The following PLGRKT variants were observed in gnomAD, a reference collection of about 807,000 sequenced individuals.
PLGRKT encodes the protein plasminogen receptor with a C-terminal lysine.
Under a neutral mutation model 18.5 loss-of-function variants are expected in PLGRKT, and 22 were observed. The ratio of observed to expected loss-of-function variants is 1.19; its 90% CI spans 0.85 to 1.70. The LOEUF is 1.70. Among genes scored for constraint, PLGRKT ranks in the 40% most tolerant of loss-of-function variants. The pLI, the probability that PLGRKT is intolerant of heterozygous loss-of-function variation, is 0.00. For missense variants in PLGRKT, 235 were observed against 174.4 expected, an observed-to-expected ratio of 1.35 and a Z score of -1.96; for synonymous variants, 72 against 52.8, an observed-to-expected ratio of 1.36 and a Z score of -1.58.
intron 3 of PLGRKT, among the ~76,000 whole-genome samples, chr9:5,378,323 G>A (rs1248423096): frequency 1.3e-5 from 2 of 152,172 alleles, no homozygotes; most frequent in Non-Finnish European, 2.9e-5. Context: ...ATCTCTGAAG[G>A]GAGACACATG....
At chr9:5,406,795 C>T (rs1818266498) in intron 3 of PLGRKT, among the ~76,000 whole-genome samples, 1 of 152,126 alleles carries the variant, frequency 6.6e-6, no homozygotes, top group Non-Finnish European at 1.5e-5. Flanking sequence ...ACACACTACT[C>T]AGGTTATGGG....
At chr9:5,435,530 A>G (rs1818943879) in intron 2 of PLGRKT, among the ~76,000 whole-genome samples, 1 of 152,184 alleles carries the variant, frequency 6.6e-6, no homozygotes, top group South Asian at 2.1e-4. Flanking sequence ...ATGGAAAAAC[A>G]TACAGATACT....
intron 3 of PLGRKT, among the ~76,000 whole-genome samples, chr9:5,364,971 C>T (rs552962585): frequency 1.3e-5 from 2 of 152,286 alleles, no homozygotes; most frequent in Non-Finnish European, 2.9e-5. Flanking sequence ...TATCTATATG[C>T]ATGCATAGAT....
chr9:5,419,449 C>T (rs1014910628), intron 3 of PLGRKT, among the ~76,000 whole-genome samples: 13 of 152,234 alleles, frequency 8.5e-5, no homozygotes, highest in Non-Finnish European at 1.5e-4. Context: ...ACAGAGGCCA[C>T]GGACGCTACA....
intron 3 of PLGRKT, chr9:5,381,747 T>C (rs1326661725): frequency 3.6e-6 from 1 of 276,372 alleles, no homozygotes; most frequent in Non-Finnish European, 5.5e-6. Context: ...TCTTCACTTG[T>C]TGCCTCTGTG....
chr9:5,435,578 CA>C (rs1818944918), intron 2 of PLGRKT, among the ~76,000 whole-genome samples: 2 of 152,328 alleles, frequency 1.3e-5, no homozygotes, highest in African/African-American at 4.8e-5. Flanking sequence ...GATGAATGCA[CA>C]GTAGTGTCTA....
At chr9:5,427,288 G>C (rs963304306) in intron 3 of PLGRKT, among the ~76,000 whole-genome samples, 1 of 152,100 alleles carries the variant, frequency 6.6e-6, no homozygotes, top group African/African-American at 2.4e-5. Context: ...AGTGGCTGGT[G>C]TGCAGGTAAC....
At chr9:5,427,418 A>G (rs1264525758) in intron 3 of PLGRKT, among the ~76,000 whole-genome samples, 1 of 149,432 alleles carries the variant, frequency 6.7e-6, no homozygotes, top group Non-Finnish European at 1.5e-5. Flanking sequence ...TCTCAATATG[A>G]AAAAAAAAAT....
At chr9:5,363,764 G>C (rs1817320850) in intron 3 of PLGRKT, among the ~76,000 whole-genome samples, 1 of 152,164 alleles carries the variant, frequency 6.6e-6, no homozygotes, top group Non-Finnish European at 1.5e-5. Context: ...GAACGGAGAA[G>C]GGGAGGAGGA....
intron 3 of PLGRKT, among the ~76,000 whole-genome samples, chr9:5,388,562 G>A (rs1454375066): frequency 1.3e-5 from 2 of 151,934 alleles, no homozygotes; most frequent in Non-Finnish European, 2.9e-5. Context: ...TCTTTCCCCA[G>A]CCCTTGAGGT....
intron 2 of PLGRKT, among the ~76,000 whole-genome samples, chr9:5,436,201 C>T (rs1818956137): frequency 6.6e-6 from 1 of 152,192 alleles, no homozygotes; most frequent in African/African-American, 2.4e-5. Context: ...AACAGCAGAC[C>T]AGAACCTGCC....
Position 5,418,718 on chromosome 9 carries a change from T to C in PLGRKT, c.81+13179A>G. 1 of 666,914 alleles carries C rather than the reference T, an allele frequency of 1.5e-6. No homozygotes were observed. The highest frequency in any genetic ancestry group is 2.8e-5 in the East Asian group (1 of 35,818). 41.3% of individuals were successfully genotyped at this position (666,914 alleles called of 1,614,324 possible). A position where few individuals can be genotyped will look rare whatever the true frequency, so the allele number is the denominator to read the frequency against. On this transcript the variant is annotated intron_variant, in intron 3 of 5. Transcript: ENST00000223864. The surrounding 1 kb of genome is among the most constrained non-coding windows in gnomAD (Gnocchi z 4.2). ...CCGGGAAGTCTGATGAAGACCGGCA[T>C]GTGCTCCGAAGCGTGTGGAATGGTG... is the stretch of plus-strand genomic sequence containing the variant.
chr9:5,433,622 G>A (rs575360439), intron 2 of PLGRKT, among the ~76,000 whole-genome samples: 34 of 146,946 alleles, frequency 2.3e-4, no homozygotes, highest in African/African-American at 8.4e-4. Context: ...CATCGTCTGG[G>A]ATGTGAGGAG....
chr9:5,403,245 T>C (rs1489335806), intron 3 of PLGRKT, among the ~76,000 whole-genome samples: 8 of 145,688 alleles, frequency 5.5e-5, no homozygotes. Context: ...TTTTTTGAGA[T>C]GGAGTTTTGC....
At chr9:5,369,069 A>G (rs1247375897) in intron 3 of PLGRKT, among the ~76,000 whole-genome samples, 1 of 152,158 alleles carries the variant, frequency 6.6e-6, no homozygotes, top group Non-Finnish European at 1.5e-5. Context: ...TGACTAAAAC[A>G]CCAAAAGCAA....
chr9:5,411,528 G>C (rs1405336929), intron 3 of PLGRKT, among the ~76,000 whole-genome samples: 2 of 152,144 alleles, frequency 1.3e-5, no homozygotes, highest in Non-Finnish European at 2.9e-5. Context: ...ACTTATCCAT[G>C]GTTACTGAAC....
intron 3 of PLGRKT, among the ~76,000 whole-genome samples, chr9:5,406,647 T>G (rs1818263486): frequency 6.6e-6 from 1 of 152,154 alleles, no homozygotes; most frequent in African/African-American, 2.4e-5. Context: ...GGAAAAGAGC[T>G]AATGCGTGCT....
At chr9:5,385,240 A>T (rs1177520703) in intron 3 of PLGRKT, among the ~76,000 whole-genome samples, 3 of 152,174 alleles carry the variant, frequency 2.0e-5, no homozygotes, top group Non-Finnish European at 4.4e-5. Flanking sequence ...AAGTATTATA[A>T]GAACTTTTTG....
chr9:5,368,180 T>C (rs1817437088), intron 3 of PLGRKT, among the ~76,000 whole-genome samples: 1 of 152,158 alleles, frequency 6.6e-6, no homozygotes, highest in Non-Finnish European at 1.5e-5. Flanking sequence ...TAGAGATTTC[T>C]CAAAGAACTT....
Sources: allele counts gnomAD v4.1 joint callset (sites outside exome capture counted in the v4.1 genomes callset), GRCh38; gene constraint gnomAD v4.1.1; non-coding constraint Gnocchi (gnomAD v3.1); transcripts MANE v1.5; gene names NCBI Gene and HGNC (gene_info 2026-07-23, HGNC 2026-07-21).